Variants in FTO observed in about 807,000 individuals in gnomAD.
FTO encodes the protein FTO alpha-ketoglutarate dependent dioxygenase, also known as alpha-ketoglutarate-dependent dioxygenase FTO.
A neutral mutation model predicts 63.9 loss-of-function variants in FTO; 47 were observed. That is an observed-to-expected ratio of 0.74 (90% confidence interval 0.58 to 0.94). The LOEUF is 0.94. Among genes scored for constraint, FTO ranks in the 40% least tolerant of loss-of-function variants. The pLI, the probability that FTO is intolerant of heterozygous loss-of-function variation, is 0.00. For missense variants in FTO, 562 were observed against 618.1 expected (o/e 0.91, Z 0.96); for synonymous variants, 207 against 224.4 (o/e 0.92, Z 0.69).
At chr16:53,978,012 A>C (rs183768394) in intron 8 of FTO, among the ~76,000 whole-genome samples, 1 of 152,124 alleles carries the variant, frequency 6.6e-6, no homozygotes, top group Non-Finnish European at 1.5e-5. Context: ...ATGCACCACT[A>C]TGACTGGCTA....
chr16:53,983,142 A>G (rs1331594810), intron 8 of FTO, among the ~76,000 whole-genome samples: 2 of 152,140 alleles, frequency 1.3e-5, no homozygotes, highest in Non-Finnish European at 2.9e-5. Context: ...TGTGGTCCTC[A>G]TTATAAAAAA....
At chr16:54,041,786 A>G (rs4784351) in intron 8 of FTO, among the ~76,000 whole-genome samples, 67,051 of 152,062 alleles carry the variant, frequency 0.44, 17,284 homozygotes, top group African/African-American at 0.71. Context: ...TGCATAGTAA[A>G]GAATTGTTGT....
intron 1 of FTO, among the ~76,000 whole-genome samples, chr16:53,723,401 A>C (rs904028559): frequency 6.6e-6 from 1 of 152,208 alleles, no homozygotes; most frequent in African/African-American, 2.4e-5. Context: ...TACTCCTTGC[A>C]CTGACAGTTC....
At chr16:53,746,121 C>T (rs1368333890) in intron 1 of FTO, among the ~76,000 whole-genome samples, 1 of 152,196 alleles carries the variant, frequency 6.6e-6, no homozygotes, top group African/African-American at 2.4e-5. Flanking sequence ...CCTCTGAGCA[C>T]ACTGGAAGAT....
chr16:53,872,821 G>A (rs1023274408), intron 4 of FTO, among the ~76,000 whole-genome samples: 14 of 152,168 alleles, frequency 9.2e-5, no homozygotes, highest in Non-Finnish European at 1.2e-4. Context: ...TGTGTTGCCT[G>A]TATAGGATGC....
intron 1 of FTO, among the ~76,000 whole-genome samples, chr16:53,716,702 T>C (rs2075901857): frequency 6.6e-6 from 1 of 151,942 alleles, no homozygotes; most frequent in Non-Finnish European, 1.5e-5. Flanking sequence ...GTATATGGTA[T>C]GTGAGATAGA....
At chr16:53,838,861 T>C (rs946751717) in intron 3 of FTO, among the ~76,000 whole-genome samples, 21 of 151,946 alleles carry the variant, frequency 1.4e-4, no homozygotes, top group African/African-American at 5.1e-4. Context: ...AAGAGGGCTA[T>C]TTAAATGTAT....
intron 8 of FTO, among the ~76,000 whole-genome samples, chr16:54,002,422 G>A (rs1386158960): frequency 6.6e-6 from 1 of 152,214 alleles, no homozygotes; most frequent in Non-Finnish European, 1.5e-5. Context: ...ATACTTTCAT[G>A]CTTGGCTTAT....
intron 7 of FTO, among the ~76,000 whole-genome samples, chr16:53,928,642 C>T (rs1014589209): frequency 2.6e-5 from 4 of 151,882 alleles, no homozygotes; most frequent in Non-Finnish European, 4.4e-5. Context: ...TTGTTTTTGT[C>T]GTTAAGTTAT....
intron 1 of FTO, among the ~76,000 whole-genome samples, chr16:53,734,165 G>C (rs2076335853): frequency 6.6e-6 from 1 of 152,162 alleles, no homozygotes; most frequent in Admixed American, 6.5e-5. Context: ...TTTTTCTTAA[G>C]ACATGAAGTT....
intron 8 of FTO, chr16:54,013,538 T>C (rs2084373610): frequency 6.6e-6 from 1 of 152,342 alleles, no homozygotes; most frequent in Non-Finnish European, 1.5e-5. Context: ...CAAACAGCAT[T>C]GCATGCTACA....
rs542447027 is a variant in FTO, at chr16:54,020,750, T to C, written c.1364+86641T>C. On this transcript the variant is annotated intron_variant, in intron 8 of 8. Coordinates refer to ENST00000471389, the MANE Select transcript of FTO (RefSeq NM_001080432.3). Reference sequence around the variant, plus strand: ...ACTTTGAAAGGCTGAGGCAGGCGGATTACTTGAGGTCAGGAGTTCGAGTCC... The same window carrying C: ...ACTTTGAAAGGCTGAGGCAGGCGGACTACTTGAGGTCAGGAGTTCGAGTCC... Among the ~76,000 whole-genome samples, 3 of 152,226 alleles carry C rather than the reference T, an allele frequency of 2.0e-5. No individual in the cohort carries two copies. In the South Asian group the frequency reaches 6.2e-4, roughly 32 times the overall value.
intron 4 of FTO, among the ~76,000 whole-genome samples, chr16:53,860,647 A>G (rs2080145720): frequency 6.6e-6 from 1 of 152,112 alleles, no homozygotes; most frequent in African/African-American, 2.4e-5. Flanking sequence ...AAACCACCTG[A>G]TCTTGTGAGA....
At chr16:53,797,829 CT>C (rs1378219373) in intron 1 of FTO, among the ~76,000 whole-genome samples, 2 of 151,894 alleles carry the variant, frequency 1.3e-5, no homozygotes, top group Non-Finnish European at 2.9e-5. Flanking sequence ...GAAGTTTATC[CT>C]TTTTTTCTTT....
At chr16:53,786,210 A>G (rs565407745) in intron 1 of FTO, among the ~76,000 whole-genome samples, 2 of 152,320 alleles carry the variant, frequency 1.3e-5, no homozygotes, top group Admixed American at 1.3e-4. Flanking sequence ...TTCTTTTCTT[A>G]TGATGACCTT....
At chr16:53,796,252 C>G (rs1057054397) in intron 1 of FTO, among the ~76,000 whole-genome samples, 1 of 152,020 alleles carries the variant, frequency 6.6e-6, no homozygotes, top group Non-Finnish European at 1.5e-5. Context: ...CAATGTCGGC[C>G]AGGCTAATCT....
chr16:53,983,080 A>G (rs1182805800), intron 8 of FTO, among the ~76,000 whole-genome samples: 1 of 152,100 alleles, frequency 6.6e-6, no homozygotes, highest in Non-Finnish European at 1.5e-5. Flanking sequence ...AGCGGAAAAT[A>G]TGTACATTCA....
chr16:53,921,116 G>A (rs11865530), intron 7 of FTO, among the ~76,000 whole-genome samples: 2,423 of 152,340 alleles, frequency 0.016, 53 homozygotes, highest in African/African-American at 0.054. Context: ...CAAAAGGCCT[G>A]TGCCCTTCCT....
intron 1 of FTO, among the ~76,000 whole-genome samples, chr16:53,728,984 G>A (rs1249647531): frequency 1.3e-5 from 2 of 150,728 alleles, no homozygotes; most frequent in Non-Finnish European, 3.0e-5. Context: ...GGCTGGTCTC[G>A]AACTCCCGAC....
Sources: gnomAD v4.1 joint callset for allele counts (sites outside exome capture counted in the v4.1 genomes callset) on GRCh38, gnomAD v4.1.1 for gene constraint, MANE v1.5 for transcripts, NCBI Gene and HGNC (gene_info 2026-07-23, HGNC 2026-07-21) for gene names.